Variants in LPP observed in about 807,000 individuals in gnomAD.
LPP encodes LIM domain containing preferred translocation partner in lipoma, also known as lipoma-preferred partner.
Under a neutral mutation model 60.4 loss-of-function variants are expected in LPP, and 38 were observed. The ratio of observed to expected loss-of-function variants is 0.63; its 90% CI spans 0.49 to 0.83. LPP has a LOEUF of 0.83. Ranked by LOEUF, LPP falls within the 40% of genes least tolerant of loss-of-function variation. The pLI is 0.00. For synonymous variants in LPP, 328 were observed against 290.8 expected, an observed-to-expected ratio of 1.13 and a Z score of -1.30; for missense variants, 902 against 783.6, an observed-to-expected ratio of 1.15 and a Z score of -1.80.
At chr3:188,753,640 T>C (rs1728895450) in intron 8 of LPP, among the ~76,000 whole-genome samples, 1 of 151,796 alleles carries the variant, frequency 6.6e-6, no homozygotes, top group Admixed American at 6.6e-5. Flanking sequence ...TTTTTTTACT[T>C]TACCTTAATT....
chr3:188,601,549 T>A (rs1841170032), intron 6 of LPP, among the ~76,000 whole-genome samples: 1 of 152,176 alleles, frequency 6.6e-6, no homozygotes, highest in Admixed American at 6.6e-5. Flanking sequence ...TCATAGCCCC[T>A]AATTCCAAGT....
intron 3 of LPP, among the ~76,000 whole-genome samples, chr3:188,348,388 T>C (rs1560279848): frequency 6.6e-6 from 1 of 152,168 alleles, no homozygotes; most frequent in Non-Finnish European, 1.5e-5. Context: ...CCTCAGGTGA[T>C]CCACCTGCCT....
intron 4 of LPP, among the ~76,000 whole-genome samples, chr3:188,427,806 G>A (rs1789810529): frequency 1.3e-5 from 2 of 152,166 alleles, no homozygotes; most frequent in Admixed American, 1.3e-4. Flanking sequence ...CTGCTGTGCT[G>A]GCAGTGAGAA....
chr3:188,256,791 T>C (rs1443462951), intron 2 of LPP, among the ~76,000 whole-genome samples: 1 of 152,252 alleles, frequency 6.6e-6, no homozygotes, highest in Non-Finnish European at 1.5e-5. Context: ...TTCAGTCATT[T>C]GGCACTTGGC....
chr3:188,646,690 C>T lies in LPP; in HGVS notation c.1113+36846C>T, dbSNP rs181935928. On this transcript the variant is annotated intron_variant, in intron 7 of 11. Transcript: ENST00000617246. ...TATATGCCACAGAATTAGAACATTA[C>T]CAGATCTTAAATGTTCCTTAGAAAT... 2.0e-5 allele frequency among the ~76,000 whole-genome samples: 3 copies of T among 152,284 alleles called. No individual in the cohort carries two copies. The East Asian group carries it at 5.8e-4, about 29-fold the overall frequency.
intron 8 of LPP, among the ~76,000 whole-genome samples, chr3:188,729,934 G>T (rs1300667700): frequency 1.3e-5 from 2 of 152,026 alleles, no homozygotes; most frequent in Non-Finnish European, 2.9e-5. Flanking sequence ...TGGCTGCAGT[G>T]AGCTGTGACC....
At chr3:188,519,848 A>G (rs908095189) in intron 5 of LPP, among the ~76,000 whole-genome samples, 2 of 152,216 alleles carry the variant, frequency 1.3e-5, no homozygotes, top group African/African-American at 2.4e-5. Flanking sequence ...TTGGATATAA[A>G]GAATGAAAAA....
intron 1 of LPP, among the ~76,000 whole-genome samples, chr3:188,191,781 A>G (rs1053824374): frequency 3.3e-5 from 5 of 152,232 alleles, no homozygotes; most frequent in African/African-American, 7.2e-5. Flanking sequence ...TCCGGACCTC[A>G]AGGAGCATCT....
chr3:188,563,908 T>A (rs939408107), intron 6 of LPP, among the ~76,000 whole-genome samples: 1 of 151,746 alleles, frequency 6.6e-6, no homozygotes, highest in Admixed American at 6.6e-5. Flanking sequence ...AGAGTAAATG[T>A]TGGGGAAGTT....
rs867137057 is a variant in LPP, at chr3:188,609,428, C to A, written c.697C>A (p.His233Asn). 1 of 1,614,172 alleles carries A rather than the reference C, an allele frequency of 6.2e-7. No individual in the cohort carries two copies. The highest frequency in any genetic ancestry group is 8.5e-7 in the Non-Finnish European group (1 of 1,180,038). ...GGTGAAGTCAGCCCAGCCCAGCCCT[C>A]ATTATATGGCTGCCCCTTCATCAGG... ...VQVKSAQPSP[H>N]YMAAPSSGQI... Residue 233 changes from histidine to asparagine, a missense_variant, in exon 7 of 12, where the codon CAT (histidine) becomes AAT (asparagine). Physicochemically the swap from His to Asn is moderately conservative, Grantham distance 68 (BLOSUM62 1). Coordinates refer to ENST00000617246, the MANE Select transcript of LPP (RefSeq NM_001375462.1). The surrounding 1 kb of genome is among the most constrained non-coding windows in gnomAD (Gnocchi z 6.9).
At chr3:188,277,793 C>T (rs1378055734) in intron 2 of LPP, among the ~76,000 whole-genome samples, 4 of 152,140 alleles carry the variant, frequency 2.6e-5, no homozygotes, top group East Asian at 1.9e-4. Context: ...GAGACATGAC[C>T]TCCATATTGA....
chr3:188,741,408 C>G (rs1336238935), intron 8 of LPP, among the ~76,000 whole-genome samples: 1 of 152,026 alleles, frequency 6.6e-6, no homozygotes, highest in Admixed American at 6.6e-5. Flanking sequence ...ATTAGTTGAA[C>G]TATTGTGCAT....
chr3:188,770,344 A>ATTTTT (rs61040174), intron 9 of LPP, among the ~76,000 whole-genome samples: 2 of 115,412 alleles, frequency 1.7e-5, no homozygotes, highest in Non-Finnish European at 3.5e-5. Context: ...ACGCCCAGCT[A>ATTTTT]TTTTTTTTTT....
At chr3:188,857,452 A>G (rs183540750) in intron 9 of LPP, among the ~76,000 whole-genome samples, 1 of 152,358 alleles carries the variant, frequency 6.6e-6, no homozygotes, top group East Asian at 1.9e-4. Flanking sequence ...TAATGCGGAA[A>G]AGAATTCTAC....
At chr3:188,319,005 G>A (rs1459789893) in intron 2 of LPP, among the ~76,000 whole-genome samples, 2 of 151,892 alleles carry the variant, frequency 1.3e-5, no homozygotes, top group Admixed American at 1.3e-4. Context: ...TGATCCGCCC[G>A]CCTCGGCCTC....
At chr3:188,475,733 T>G (rs1403350822) in intron 4 of LPP, among the ~76,000 whole-genome samples, 1 of 152,066 alleles carries the variant, frequency 6.6e-6, no homozygotes, top group Non-Finnish European at 1.5e-5. Flanking sequence ...AAACCCCTTC[T>G]CTGCTAAAAA....
At chr3:188,707,141 C>G (rs1523052) in intron 7 of LPP, among the ~76,000 whole-genome samples, 13,574 of 151,910 alleles carry the variant, frequency 0.089, 777 homozygotes, top group Middle Eastern at 0.15. Context: ...TCTGGCTCGC[C>G]CGCCTATTTA....
chr3:188,638,773 A>C, intron 7 of LPP, among the ~76,000 whole-genome samples: 1 of 141,278 alleles, frequency 7.1e-6, no homozygotes, highest in Non-Finnish European at 1.5e-5. Context: ...CAATTGCTTC[A>C]AAGAGAATAA....
At chr3:188,640,426 A>C (rs13314848) in intron 7 of LPP, among the ~76,000 whole-genome samples, 18,834 of 146,340 alleles carry the variant, frequency 0.13, 1,232 homozygotes, top group South Asian at 0.16. Flanking sequence ...CTAGATGACG[A>C]GTTAGTGGGT....
Sources: gnomAD v4.1 joint callset for allele counts (sites outside exome capture counted in the v4.1 genomes callset) on GRCh38, gnomAD v4.1.1 for gene constraint, Gnocchi (gnomAD v3.1) non-coding constraint, MANE v1.5 for transcripts, NCBI Gene and HGNC (gene_info 2026-07-23, HGNC 2026-07-21) for gene names.